SYN3: variants seen among roughly 807,000 people sequenced by gnomAD.
SYN3 encodes synapsin III.
In SYN3, 35 loss-of-function variants were observed where a neutral mutation model predicts 65.8. The observed-to-expected ratio is 0.53, with a 90% CI of 0.41 to 0.70. The LOEUF (loss-of-function observed/expected upper bound fraction) is 0.70. SYN3 is among the 30% of genes least tolerant of loss of function. The probability of loss-of-function intolerance (pLI) is 0.00; values close to 1 mark genes in which losing one functional copy is unlikely to be tolerated. For missense variants in SYN3, 680 were observed against 749.0 expected (o/e 0.91, Z 1.08); for synonymous variants, 270 against 292.9 (o/e 0.92, Z 0.80).
chr22:32,554,693 G>A (rs1288026228), intron 7 of SYN3, among the ~76,000 whole-genome samples: 2 of 152,182 alleles, frequency 1.3e-5, no homozygotes, highest in Non-Finnish European at 2.9e-5. Flanking sequence ...GAAAGACACA[G>A]CAGTAAGAAC....
chr22:32,720,901 C>G (rs770696032), intron 6 of SYN3, among the ~76,000 whole-genome samples: 1 of 152,180 alleles, frequency 6.6e-6, no homozygotes, highest in Non-Finnish European at 1.5e-5. Flanking sequence ...GCCTCTACCC[C>G]CACCTCTCTG....
chr22:32,713,692 A>G (rs1008510099), intron 6 of SYN3, among the ~76,000 whole-genome samples: 6 of 151,986 alleles, frequency 3.9e-5, no homozygotes, highest in Admixed American at 1.3e-4. Flanking sequence ...TTAGCTGGGC[A>G]TGGTGGTGGG....
At chr22:32,991,410 G>C (rs536747874) in intron 2 of SYN3, among the ~76,000 whole-genome samples, 257 of 150,794 alleles carry the variant, frequency 1.7e-3, no homozygotes, top group Non-Finnish European at 2.8e-3. Context: ...TCAGATTTCT[G>C]ACTTTTCTTG....
intron 7 of SYN3, among the ~76,000 whole-genome samples, chr22:32,570,843 G>T (rs2058749778): frequency 6.6e-6 from 1 of 152,106 alleles, no homozygotes; most frequent in African/African-American, 2.4e-5. Context: ...GACCCACAAT[G>T]CGTGACACTG....
intron 4 of SYN3, among the ~76,000 whole-genome samples, chr22:32,889,301 T>A (rs2049375787): frequency 2.0e-5 from 3 of 152,090 alleles, no homozygotes; most frequent in African/African-American, 7.2e-5. Flanking sequence ...CCAGCTCCAT[T>A]CCTGGGTTCT....
At chr22:32,818,680 C>T (rs559342020) in intron 6 of SYN3, among the ~76,000 whole-genome samples, 189 of 152,328 alleles carry the variant, frequency 1.2e-3, no homozygotes, top group Middle Eastern at 3.4e-3. Context: ...CCTGCTTGGC[C>T]TCCAGCTCTT....
At chr22:32,800,420 T>C (rs888421309) in intron 6 of SYN3, among the ~76,000 whole-genome samples, 1 of 152,202 alleles carries the variant, frequency 6.6e-6, no homozygotes, top group African/African-American at 2.4e-5. Context: ...TGGCCACCAA[T>C]CATCCCATCT....
At chr22:32,766,147 A>C (rs1361409718) in intron 6 of SYN3, among the ~76,000 whole-genome samples, 2 of 152,086 alleles carry the variant, frequency 1.3e-5, no homozygotes, top group Non-Finnish European at 2.9e-5. Context: ...ATGGGGAGAA[A>C]GACTGGGGCG....
At chr22:32,848,274 C>T (rs753304356) in intron 6 of SYN3, among the ~76,000 whole-genome samples, 1 of 152,174 alleles carries the variant, frequency 6.6e-6, no homozygotes, top group Admixed American at 6.5e-5. Context: ...CTAGTATCTA[C>T]TGGGTAAATC....
intron 1 of SYN3, among the ~76,000 whole-genome samples, chr22:33,009,671 T>A (rs943397857): frequency 6.7e-6 from 1 of 149,776 alleles, no homozygotes; most frequent in Non-Finnish European, 1.5e-5. Flanking sequence ...GAAAAAAAAA[T>A]TATACTATAG....
intron 6 of SYN3, among the ~76,000 whole-genome samples, chr22:32,765,505 G>A (rs530193231): frequency 4.2e-4 from 64 of 152,298 alleles, no homozygotes; most frequent in African/African-American, 1.4e-3. Context: ...TGAAAAACAG[G>A]AAAGTGGAGG....
intron 1 of SYN3, among the ~76,000 whole-genome samples, chr22:33,042,211 T>C (rs1304157965): frequency 6.6e-6 from 1 of 152,096 alleles, no homozygotes; most frequent in East Asian, 1.9e-4. Flanking sequence ...TCCCGAACTG[T>C]CTCTTGTTTA....
intron 6 of SYN3, among the ~76,000 whole-genome samples, chr22:32,748,825 C>T (rs2045021336): frequency 6.6e-6 from 1 of 152,174 alleles, no homozygotes; most frequent in South Asian, 2.1e-4. Flanking sequence ...TCCCCAGTAA[C>T]ACCTGTGGCC....
intron 7 of SYN3, among the ~76,000 whole-genome samples, chr22:32,576,538 A>G (rs2058853173): frequency 6.6e-6 from 1 of 152,138 alleles, no homozygotes; most frequent in Non-Finnish European, 1.5e-5. Context: ...CAAATTCAAA[A>G]TGTTAAAACC....
Position 32,555,433 on chromosome 22 carries a change from C to A in SYN3, c.775-13720G>T, listed in dbSNP as rs564460374. On this transcript the variant is annotated intron_variant, in intron 7 of 13. Coordinates refer to ENST00000358763, the MANE Select transcript of SYN3 (RefSeq NM_003490.4). ...ATCACCCAGAAAACATTTAAGGCAA[C>A]CATGACCAGTTGCTCACCCTGCTGA... Among the ~76,000 whole-genome samples the A allele has an allele frequency of 4.6e-5, 7 of 152,328 alleles. No homozygotes were observed. In the South Asian group the frequency reaches 1.4e-3, roughly 32 times the overall value.
chr22:32,781,545 T>C (rs993148874), intron 6 of SYN3, among the ~76,000 whole-genome samples: 1 of 152,132 alleles, frequency 6.6e-6, no homozygotes, highest in Non-Finnish European at 1.5e-5. Flanking sequence ...GGGCTCAGGC[T>C]TAAAGGAATT....
Position 32,973,566 on chromosome 22 carries a change from C to T in SYN3, c.369+7079G>A, listed in dbSNP as rs1024780067. Among the ~76,000 whole-genome samples, 4 of 152,282 alleles carry T rather than the reference C, an allele frequency of 2.6e-5. No homozygotes were observed. In the South Asian group the frequency reaches 6.2e-4, roughly 24 times the overall value. ...ACCTACAAAAAAGGCATGGCCCATT[C>T]CTTATTAGTTCAGCACTACTTAACA... On this transcript the variant is annotated intron_variant, in intron 3 of 13. Coordinates refer to ENST00000358763, the MANE Select transcript of SYN3 (RefSeq NM_003490.4).
chr22:32,847,812 G>A (rs900692924), intron 6 of SYN3, among the ~76,000 whole-genome samples: 1 of 152,282 alleles, frequency 6.6e-6, no homozygotes, highest in Admixed American at 6.5e-5. Context: ...GGATCTCAGG[G>A]CTGAAGGAGT....
intron 3 of SYN3, 79 bp downstream of exon 3, chr22:32,980,566 G>C: frequency 7.6e-7 from 1 of 1,314,024 alleles, no homozygotes. Flanking sequence ...CATAAGATGG[G>C]GACCAAGATT....
Sources: allele counts gnomAD v4.1 joint callset (sites outside exome capture counted in the v4.1 genomes callset), GRCh38; gene constraint gnomAD v4.1.1; transcripts MANE v1.5; gene names NCBI Gene and HGNC (gene_info 2026-07-23, HGNC 2026-07-21).